Variants in BRINP3 observed in about 807,000 individuals in gnomAD.
The protein encoded by BRINP3 is BMP/retinoic acid inducible neural specific 3.
Under a neutral mutation model 71.0 loss-of-function variants are expected in BRINP3, and 19 were observed. The observed-to-expected ratio is 0.27, with a 90% CI of 0.19 to 0.39. The LOEUF (loss-of-function observed/expected upper bound fraction) is 0.39, where lower values mean the gene tolerates loss of function less well. Ranked by LOEUF, BRINP3 falls within the 10% of genes least tolerant of loss-of-function variation. BRINP3 has a pLI of 1.00. For synonymous variants in BRINP3, 380 were observed against 337.7 expected, an observed-to-expected ratio of 1.13 and a Z score of -1.37; for missense variants, 959 against 940.8, an observed-to-expected ratio of 1.02 and a Z score of -0.25.
intron 4 of BRINP3, among the ~76,000 whole-genome samples, chr1:190,239,235 T>C (rs934867335): frequency 2.0e-5 from 3 of 152,080 alleles, no homozygotes; most frequent in Non-Finnish European, 2.9e-5. Context: ...CCATATCAAG[T>C]GGCAATCAGT....
intron 6 of BRINP3, among the ~76,000 whole-genome samples, chr1:190,216,460 T>G (rs1656425982): frequency 6.6e-6 from 1 of 151,856 alleles, no homozygotes; most frequent in Admixed American, 6.6e-5. Flanking sequence ...AAGTTAGAGA[T>G]AAATTGATTT....
intron 6 of BRINP3, among the ~76,000 whole-genome samples, chr1:190,172,532 A>G (rs973934251): frequency 1.3e-5 from 2 of 152,156 alleles, no homozygotes; most frequent in African/African-American, 2.4e-5. Flanking sequence ...TGATTCCCAA[A>G]TTAAAACATC....
intron 6 of BRINP3, among the ~76,000 whole-genome samples, chr1:190,161,712 T>C (rs1650982217): frequency 2.0e-5 from 3 of 152,044 alleles, no homozygotes; most frequent in African/African-American, 7.2e-5. Flanking sequence ...GTTGAAATAA[T>C]TTTCTAAAGG....
chr1:190,323,080 T>A, intron 2 of BRINP3, among the ~76,000 whole-genome samples: 1 of 152,008 alleles, frequency 6.6e-6, no homozygotes, highest in South Asian at 2.1e-4. Context: ...ATTTAAAATA[T>A]AAATTAGTTA....
rs1370367436 is a variant in BRINP3 at position 190,470,854 on chromosome 1, G to T, written c.-51+6594C>A. Among the ~76,000 whole-genome samples, 3 of 151,070 alleles carry T rather than the reference G, an allele frequency of 2.0e-5. No homozygotes were observed. In the South Asian group the frequency reaches 6.2e-4, roughly 31 times the overall value. The stretch of plus-strand genomic sequence containing the variant: ...CTTTCAATTTTTGGGAAAAGATATT[G>T]ATTAGTAAATCATAATTGAGTTATT... On this transcript the variant is annotated intron_variant, in intron 1 of 7. Coordinates refer to ENST00000367462, the MANE Select transcript of BRINP3 (RefSeq NM_199051.3).
intron 2 of BRINP3, among the ~76,000 whole-genome samples, chr1:190,453,203 A>ATTTTTTTTTTTGTTTTTTTTTTTT (rs1675746395): frequency 2.4e-5 from 1 of 40,890 alleles, no homozygotes; most frequent in African/African-American, 9.8e-5. Flanking sequence ...AAACTTTAGT[A>ATTTTTTTTTTTGTTTTTTTTTTTT]TTTTTTTTTT....
chr1:190,244,807 T>C (rs1300176922), intron 4 of BRINP3, among the ~76,000 whole-genome samples: 3 of 152,104 alleles, frequency 2.0e-5, no homozygotes, highest in African/African-American at 7.2e-5. Flanking sequence ...TATAGTATAT[T>C]AGAACATATC....
rs932665287 is a variant in BRINP3 at position 190,265,089 on chromosome 1, C to T, written c.428-34G>A. On this transcript the variant is annotated intron_variant, in intron 3 of 7. Coordinates refer to ENST00000367462, the MANE Select transcript of BRINP3 (RefSeq NM_199051.3). ...ATAATATTTCAAATTATTCAATTTT[C>T]CACTTAAAATCTTTTTTTTTAACTT... 6 of 1,557,194 alleles carry T rather than the reference C, an allele frequency of 3.9e-6. No individual in the cohort carries two copies. The African/African-American group carries it at 7.0e-5, about 18-fold the overall frequency.
intron 2 of BRINP3, among the ~76,000 whole-genome samples, chr1:190,313,000 C>T (rs1489187697): frequency 6.6e-6 from 1 of 151,752 alleles, no homozygotes; most frequent in Non-Finnish European, 1.5e-5. Context: ...TTAATGTCAT[C>T]AACTACAAAC....
chr1:190,249,062 T>G (rs538532205), intron 4 of BRINP3, among the ~76,000 whole-genome samples: 4 of 151,902 alleles, frequency 2.6e-5, no homozygotes. Flanking sequence ...TTTTTCTTTA[T>G]TTGCTCATTT....
chr1:190,099,698 G>T (rs1188763252), intron 7 of BRINP3, among the ~76,000 whole-genome samples: 4 of 152,128 alleles, frequency 2.6e-5, no homozygotes, highest in Admixed American at 6.5e-5. Flanking sequence ...TGCTAGGGTT[G>T]TCATCAACAT....
intron 6 of BRINP3, among the ~76,000 whole-genome samples, chr1:190,161,747 A>G (rs1489017827): frequency 6.6e-6 from 1 of 152,180 alleles, no homozygotes; most frequent in African/African-American, 2.4e-5. Flanking sequence ...CGGTTAATCA[A>G]CAAATATGAG....
rs557404841 is a variant in BRINP3, at chr1:190,270,871, C to T, written c.428-5816G>A. On this transcript the variant is annotated intron_variant, in intron 3 of 7. Coordinates refer to ENST00000367462, the MANE Select transcript of BRINP3 (RefSeq NM_199051.3). ...TGAAGAAGCATCCAAGATCAACCCTCATGCATTCAATGTTTTATACACATT... is the reference window on the plus strand; with the variant it reads ...TGAAGAAGCATCCAAGATCAACCCTTATGCATTCAATGTTTTATACACATT... Among the ~76,000 whole-genome samples the T allele has an allele frequency of 7.1e-4, 107 of 151,724 alleles. 1 individual carries two copies. The highest frequency in any genetic ancestry group is 2.6e-3 in the African/African-American group (106 of 41,482).
At chr1:190,426,032 T>C (rs1309476292) in intron 2 of BRINP3, among the ~76,000 whole-genome samples, 2 of 151,852 alleles carry the variant, frequency 1.3e-5, no homozygotes, top group Admixed American at 6.6e-5. Flanking sequence ...TATATTTTGA[T>C]ATGAATAACA....
chr1:190,419,671 A>G (rs1244016990), intron 2 of BRINP3, among the ~76,000 whole-genome samples: 3 of 136,978 alleles, frequency 2.2e-5, no homozygotes, highest in Admixed American at 1.6e-4. Context: ...TTAAAACGTT[A>G]TATTCACATA....
At position 190,359,997 on chromosome 1, in the gene BRINP3, C is replaced by T. The variant is rs142520966; in HGVS notation, c.237-78247G>A. On this transcript the variant is annotated intron_variant, in intron 2 of 7. Transcript: ENST00000367462. ...TAGAACACTAAAAAGCTTTCATTAG[C>T]GAGAAAAAAGACTCACTTCAGGCTA... 1.7e-4 allele frequency among the ~76,000 whole-genome samples: 26 copies of T among 152,028 alleles called. 3 individuals carry two copies. The East Asian group carries it at 2.9e-3, about 17-fold the overall frequency.
At position 190,453,203 on chromosome 1, in the gene BRINP3, A is replaced by ATTTTTTTTTTTTTTTTTTTTTTTTTTTTT. The variant is rs1190785225; in HGVS notation, c.236+1423_236+1451dup. On this transcript the variant is annotated intron_variant, in intron 2 of 7. Coordinates refer to ENST00000367462, the MANE Select transcript of BRINP3 (RefSeq NM_199051.3). ...ACTTTTCAGAAAGAAAAACTTTAGT[A>ATTTTTTTTTTTTTTTTTTTTTTTTTTTTT]TTTTTTTTTTTTTTTTTTTTTTTTT... Among the ~76,000 whole-genome samples the ATTTTTTTTTTTTTTTTTTTTTTTTTTTTT allele has an allele frequency of 2.0e-4, 8 of 40,910 alleles. 3 individuals carry two copies. Among genetic ancestry groups the ATTTTTTTTTTTTTTTTTTTTTTTTTTTTT allele is most frequent in the African/African-American group, 3.0e-4 (3 of 10,168 alleles). 26.8% of individuals were successfully genotyped at this position (40,910 alleles called of 152,430 possible). A position where few individuals can be genotyped will look rare whatever the true frequency, so the allele number is the denominator to read the frequency against.
At chr1:190,277,109 A>ATATATATATATATATATATATT (rs1662639449) in intron 3 of BRINP3, among the ~76,000 whole-genome samples, 2 of 120,744 alleles carry the variant, frequency 1.7e-5, no homozygotes, top group Non-Finnish European at 3.5e-5. Flanking sequence ...ATATATATAT[A>ATATATATATATATATATATATT]TATATATATT....
intron 4 of BRINP3, among the ~76,000 whole-genome samples, chr1:190,254,922 CTT>C (rs893952260): frequency 1.3e-5 from 2 of 152,148 alleles, no homozygotes; most frequent in Non-Finnish European, 2.9e-5. Context: ...ATAAATAACT[CTT>C]ATTATTTTGA....
Sources: gnomAD v4.1 joint callset for allele counts (sites outside exome capture counted in the v4.1 genomes callset) on GRCh38, gnomAD v4.1.1 for gene constraint, MANE v1.5 for transcripts, NCBI Gene and HGNC (gene_info 2026-07-23, HGNC 2026-07-21) for gene names.